HORMAD2: variants seen among roughly 807,000 people sequenced by gnomAD.
HORMAD2 encodes the protein HORMA domain containing 2.
Under a neutral mutation model 38.8 loss-of-function variants are expected in HORMAD2, and 45 were observed. That is an observed-to-expected ratio of 1.16 (90% CI 0.91 to 1.49). HORMAD2 has a LOEUF of 1.49. Ranked by LOEUF, HORMAD2 falls within the 40% of genes most tolerant of loss-of-function variation. HORMAD2 has a pLI of 0.00. For synonymous variants in HORMAD2, 126 were observed against 122.8 expected (o/e 1.03, Z -0.17); for missense variants, 338 against 367.0 (o/e 0.92, Z 0.65).
chr22:30,104,365 T>C, intron 4 of HORMAD2, 36 bp from the exon 5 acceptor site: 1 of 1,585,186 alleles, frequency 6.3e-7, no homozygotes, highest in Non-Finnish European at 8.6e-7. Context: ...GATTTGCATA[T>C]GGTCCAATTG....
intron 10 of HORMAD2, among the ~76,000 whole-genome samples, chr22:30,165,281 A>G (rs1226501541): frequency 6.6e-6 from 1 of 152,208 alleles, no homozygotes; most frequent in Non-Finnish European, 1.5e-5. Flanking sequence ...TCTTTATGCC[A>G]GTACCACACT....
intron 5 of HORMAD2, 146 bp from the exon 6 acceptor site, chr22:30,111,650 C>G: frequency 1.6e-6 from 1 of 611,692 alleles, no homozygotes; most frequent in Non-Finnish European, 2.8e-6. Context: ...TGACTGTATC[C>G]TTTTTCTTCT....
chr22:30,205,132 G>A, the HORMAD2 span, among the ~76,000 whole-genome samples: 7 of 152,146 alleles, frequency 4.6e-5, no homozygotes, highest in African/African-American at 1.7e-4. Flanking sequence ...CAGACACTGC[G>A]CTGAGTTCTG....
At chr22:30,146,892 T>C (rs1197869323) in intron 10 of HORMAD2, among the ~76,000 whole-genome samples, 2 of 152,176 alleles carry the variant, frequency 1.3e-5, no homozygotes, top group African/African-American at 4.8e-5. Flanking sequence ...TGTATTTCTC[T>C]ATATTATAAA....
chr22:30,130,586 C>CTTTTTTTTTTTTTTTTT (rs66636269), intron 10 of HORMAD2, among the ~76,000 whole-genome samples: 1 of 87,912 alleles, frequency 1.1e-5, no homozygotes, highest in Non-Finnish European at 2.3e-5. Context: ...CTTTTCTTTT[C>CTTTTTTTTTTTTTTTTT]TTTTTTTTTT....
chr22:30,149,159 C>T (rs1381566598), intron 10 of HORMAD2, among the ~76,000 whole-genome samples: 6 of 152,232 alleles, frequency 3.9e-5, no homozygotes, highest in African/African-American at 9.6e-5. Flanking sequence ...GTTGAGTTGT[C>T]ATAAGCCATG....
chr22:30,095,256 G>A (rs533877559), intron 2 of HORMAD2, among the ~76,000 whole-genome samples: 15 of 152,212 alleles, frequency 9.9e-5, no homozygotes, highest in African/African-American at 3.6e-4. Flanking sequence ...TAAAACTTTA[G>A]TGCCTTTTAG....
chr22:30,164,685 C>T (rs1420085741), intron 10 of HORMAD2, among the ~76,000 whole-genome samples: 1 of 152,016 alleles, frequency 6.6e-6, no homozygotes, highest in Non-Finnish European at 1.5e-5. Context: ...TAAGAGACAG[C>T]GTCTCACTAT....
At chr22:30,167,389 C>A (rs1925852158) in intron 10 of HORMAD2, among the ~76,000 whole-genome samples, 2 of 152,152 alleles carry the variant, frequency 1.3e-5, no homozygotes, top group African/African-American at 2.4e-5. Flanking sequence ...TCTTTGGGGG[C>A]TCATTTTTTA....
At chr22:30,203,394 C>CA in the HORMAD2 span, among the ~76,000 whole-genome samples, 80,196 of 127,824 alleles carry the variant, frequency 0.63, 25,900 homozygotes, top group East Asian at 0.9. Context: ...GACTCTGTCT[C>CA]AAAAAAAAAA....
chr22:30,151,605 C>G (rs1242022438), intron 10 of HORMAD2, among the ~76,000 whole-genome samples: 1 of 152,068 alleles, frequency 6.6e-6, no homozygotes, highest in East Asian at 1.9e-4. Context: ...TCATAGTCCT[C>G]CACTTGGAAA....
At chr22:30,129,956 T>C (rs1188989340) in intron 10 of HORMAD2, among the ~76,000 whole-genome samples, 1 of 152,246 alleles carries the variant, frequency 6.6e-6, no homozygotes, top group African/African-American at 2.4e-5. Context: ...GTTCCACGCC[T>C]TTCCTGTATC....
intron 10 of HORMAD2, among the ~76,000 whole-genome samples, chr22:30,138,580 TC>T (rs2146172820): frequency 6.6e-6 from 1 of 152,338 alleles, no homozygotes; most frequent in Non-Finnish European, 1.5e-5. Context: ...AATATTGTCT[TC>T]CATTCCATTT....
At chr22:30,146,452 G>T (rs1256734459) in intron 10 of HORMAD2, among the ~76,000 whole-genome samples, 2 of 152,142 alleles carry the variant, frequency 1.3e-5, no homozygotes, top group Non-Finnish European at 2.9e-5. Context: ...CCGAGATCAT[G>T]CCACTGCACT....
At chr22:30,141,228 C>T (rs1475005870) in intron 10 of HORMAD2, among the ~76,000 whole-genome samples, 1 of 152,154 alleles carries the variant, frequency 6.6e-6, no homozygotes, top group East Asian at 1.9e-4. Flanking sequence ...AAACTCCTGA[C>T]TTCAAGTGAT....
intron 1 of HORMAD2, among the ~76,000 whole-genome samples, chr22:30,088,948 TTA>T (rs1244535521): frequency 6.6e-6 from 1 of 152,126 alleles, no homozygotes; most frequent in Non-Finnish European, 1.5e-5. Flanking sequence ...GATATGAAGG[TTA>T]TAGTCTCAAA....
At chr22:30,196,283 G>C in the HORMAD2 span, among the ~76,000 whole-genome samples, 1 of 152,212 alleles carries the variant, frequency 6.6e-6, no homozygotes, top group Admixed American at 6.5e-5. Flanking sequence ...TCATGACTCA[G>C]GATTTTGCGA....
At chr22:30,187,530 T>TG in the HORMAD2 span, among the ~76,000 whole-genome samples, 2 of 152,042 alleles carry the variant, frequency 1.3e-5, no homozygotes, top group Admixed American at 1.3e-4. Context: ...TGTGTGTGTG[T>TG]GTGTATTTTT....
the HORMAD2 span, among the ~76,000 whole-genome samples, chr22:30,192,860 G>A: frequency 6.6e-6 from 1 of 152,154 alleles, no homozygotes; most frequent in Non-Finnish European, 1.5e-5. Flanking sequence ...TCAATGGCAG[G>A]ATAGAGGATG....
Sources: gnomAD v4.1 joint callset for allele counts (sites outside exome capture counted in the v4.1 genomes callset) on GRCh38, gnomAD v4.1.1 for gene constraint, MANE v1.5 for transcripts, NCBI Gene and HGNC (gene_info 2026-07-23, HGNC 2026-07-21) for gene names.